VDAC2: variants seen among roughly 807,000 people sequenced by gnomAD.
The protein encoded by VDAC2 is voltage dependent anion channel 2.
In VDAC2, 6 loss-of-function variants were observed where a neutral mutation model predicts 36.6. The observed-to-expected ratio is 0.16, with a 90% confidence interval of 0.09 to 0.32. The LOEUF (loss-of-function observed/expected upper bound fraction) is 0.32, where lower values mean the gene tolerates loss of function less well. Among genes scored for constraint, VDAC2 ranks in the 10% least tolerant of loss-of-function variants. The pLI is 1.00. For missense variants in VDAC2, 247 were observed against 346.0 expected (o/e 0.71, Z 2.27); for synonymous variants, 109 against 123.8 (o/e 0.88, Z 0.79).
chr10:75,219,452 G>A, intron 6 of VDAC2, 96 bp downstream of exon 6: 5 of 1,049,630 alleles, frequency 4.8e-6, no homozygotes, highest in Non-Finnish European at 7.0e-6. Context: ...AGCTTATTAA[G>A]CTACCTTGTG....
Position 75,231,396 on chromosome 10 carries a change from T to TA in VDAC2, c.*408dup, listed in dbSNP as rs1259147491. The TA allele has an allele frequency of 1.3e-5, 2 of 154,502 alleles. No individual in the cohort carries two copies. The highest frequency in any genetic ancestry group is 4.8e-5 in the African/African-American group (2 of 41,518). 9.6% of individuals were successfully genotyped at this position (154,502 alleles called of 1,614,324 possible). A position where few individuals can be genotyped will look rare whatever the true frequency, so the allele number is the denominator to read the frequency against. On this transcript the variant is annotated 3_prime_UTR_variant, in exon 10 of 10. Coordinates refer to ENST00000332211, the MANE Select transcript of VDAC2 (RefSeq NM_001391963.1). ...AAATTTTGTTAAGTTCAGCCATTATTACTTTTGGTATCCCAGAACATGACA... is the reference window on the plus strand; with the variant it reads ...AAATTTTGTTAAGTTCAGCCATTATTAACTTTTGGTATCCCAGAACATGACA...
chr10:75,222,778 C>A (rs899123950), intron 8 of VDAC2, among the ~76,000 whole-genome samples: 1 of 152,088 alleles, frequency 6.6e-6, no homozygotes, highest in Non-Finnish European at 1.5e-5. Context: ...TCACGACTCC[C>A]GGCACCTTGA....
chr10:75,211,735 A>C, intron 2 of VDAC2: 1 of 1,508,262 alleles, frequency 6.6e-7, no homozygotes, highest in Non-Finnish European at 9.0e-7. Context: ...ATTTTTTCCA[A>C]GTTTCAATAT....
chr10:75,231,329 C>G lies in VDAC2; in HGVS notation c.*340C>G, dbSNP rs1030854604. On this transcript the variant is annotated 3_prime_UTR_variant, in exon 10 of 10. Transcript: ENST00000332211. ...TTCCTTTAGAAAACATTGACTGTTACCATTGAATGAGATGGATCAGTGGAT... is the reference window on the plus strand; with the variant it reads ...TTCCTTTAGAAAACATTGACTGTTAGCATTGAATGAGATGGATCAGTGGAT... 6 of 178,302 alleles carry G rather than the reference C, an allele frequency of 3.4e-5. No individual in the cohort carries two copies. The highest frequency in any genetic ancestry group is 1.1e-4 in the South Asian group (1 of 8,848). The allele number at this position is 178,302 out of a possible 1,614,324, so 11.0% of individuals were successfully genotyped here.
rs1233741360 is a variant in VDAC2, at chr10:75,212,278, A to G, written c.80A>G (p.Asp27Gly). The G allele has an allele frequency of 1.5e-5, 24 of 1,613,416 alleles. No individual in the cohort carries two copies. Among genetic ancestry groups the G allele is most frequent in the Non-Finnish European group, 2.0e-5 (24 of 1,179,910 alleles). The stretch of plus-strand genomic sequence containing the variant: ...GCTGACCTTGGCAAAGCTGCCAGAG[A>G]TATTTTCAACAAAGGATTTGGTAAG... ...SYADLGKAAR[D>G]IFNKGFGFGL... The change falls in exon 3 of 10, where the codon GAT becomes GGT. Residue 27 changes from aspartate to glycine, a missense_variant. This residue lies in a region of VDAC2 where 76 missense variants were observed against 76.9 expected (regional missense o/e 0.99). Transcript: ENST00000332211.
chr10:75,218,735 C>T (rs188734299), intron 4 of VDAC2, among the ~76,000 whole-genome samples: 1 of 151,822 alleles, frequency 6.6e-6, no homozygotes, highest in East Asian at 1.9e-4. Flanking sequence ...GCACTCCAGC[C>T]TGGCGATAGA....
chr10:75,210,471 C>T (rs868125068), upstream of VDAC2, among the ~76,000 whole-genome samples: 11 of 152,320 alleles, frequency 7.2e-5, no homozygotes, highest in South Asian at 1.7e-3. Context: ...CCTATCGCCC[C>T]GGCCACGCGC....
In VDAC2 at chr10:75,211,540, C is replaced by G. The variant is rs977891484; in HGVS notation, c.31+351C>G. The G allele has an allele frequency of 4.5e-6, 7 of 1,549,974 alleles. No homozygotes were observed. In the African/African-American group the frequency reaches 9.6e-5, roughly 21 times the overall value. On this transcript the variant is annotated intron_variant, in intron 2 of 9. Transcript: ENST00000332211. ...AGTCCCTCTTGTGAGAGCGCAAGGTCATTACTTGTGCTCCTAAGGGCGTGG... is the reference window on the plus strand; with the variant it reads ...AGTCCCTCTTGTGAGAGCGCAAGGTGATTACTTGTGCTCCTAAGGGCGTGG...
chr10:75,228,270 CTTTCT>C (rs886140980), intron 8 of VDAC2, among the ~76,000 whole-genome samples: 14 of 114,958 alleles, frequency 1.2e-4, no homozygotes, highest in Admixed American at 2.9e-4. Flanking sequence ...AGGTATTTTT[CTTTCT>C]TTTTTTTTTT....
chr10:75,228,056 G>C (rs537544984), intron 8 of VDAC2, among the ~76,000 whole-genome samples: 1 of 150,946 alleles, frequency 6.6e-6, no homozygotes, highest in African/African-American at 2.4e-5. Flanking sequence ...CACCACGCCC[G>C]GCTAATTTTT....
At chr10:75,210,224 G>C (rs1002601113), upstream of VDAC2, 2 of 152,644 alleles carry the variant, frequency 1.3e-5, no homozygotes, top group Admixed American at 6.5e-5. Flanking sequence ...TGGGAAAAGA[G>C]GGCAGAAGAG....
At chr10:75,211,082 C>A in intron 1 of VDAC2, 52 bp from the exon 2 acceptor site, 1 of 1,508,384 alleles carries the variant, frequency 6.6e-7, no homozygotes, top group Non-Finnish European at 9.0e-7. Context: ...TGCCCGGGAT[C>A]TCCCTTTGGC....
chr10:75,230,496 G>GA (rs1842071226), intron 9 of VDAC2, among the ~76,000 whole-genome samples: 1 of 152,124 alleles, frequency 6.6e-6, no homozygotes, highest in Admixed American at 6.6e-5. Flanking sequence ...TCGCATCTAA[G>GA]AAAACTAACA....
In VDAC2 at chr10:75,220,842, A is replaced by T; in HGVS notation, c.456A>T (p.Ser152=). The T allele has an allele frequency of 6.2e-7, 1 of 1,613,746 alleles. No individual in the cohort carries two copies. The highest frequency in any genetic ancestry group is 8.5e-7 in the Non-Finnish European group (1 of 1,179,668). ...TTGCTGGACCTGCAATCCATGGTTC[A>T]GCTGTCTTTGGTTATGAGGGCTGGC... ...FDFAGPAIHG[S]AVFGYEGWLA... Residue 152 remains serine, a synonymous_variant, in exon 7 of 10, where the codon TCA becomes TCT. Coordinates refer to ENST00000332211, the MANE Select transcript of VDAC2 (RefSeq NM_001391963.1).
chr10:75,220,684 C>T (rs767261166), intron 6 of VDAC2, 59 bp from the exon 7 acceptor site: 1 of 1,450,652 alleles, frequency 6.9e-7, no homozygotes, highest in South Asian at 1.3e-5. Flanking sequence ...GTTTTGTGCT[C>T]TCTTGTGCAG....
At chr10:75,219,863 T>C (rs192720922) in intron 6 of VDAC2, among the ~76,000 whole-genome samples, 1 of 151,728 alleles carries the variant, frequency 6.6e-6, no homozygotes, top group African/African-American at 2.4e-5. Flanking sequence ...AGTCTTACTC[T>C]GTCACACAGG....
chr10:75,218,970 G>A, intron 4 of VDAC2, 93 bp from the exon 5 acceptor site: 1 of 1,326,314 alleles, frequency 7.5e-7, no homozygotes. Flanking sequence ...TTTACCAAAT[G>A]TTTCAGGGGG....
chr10:75,213,971 C>G (rs767037364), intron 3 of VDAC2, 50 bp from the exon 4 acceptor site: 1 of 1,591,166 alleles, frequency 6.3e-7, no homozygotes. Flanking sequence ...TGCTATGCAT[C>G]TTTCATACAA....
chr10:75,221,948 TA>T (rs1841825825), intron 7 of VDAC2, among the ~76,000 whole-genome samples: 2 of 152,378 alleles, frequency 1.3e-5, no homozygotes, highest in Admixed American at 1.3e-4. Context: ...TTCACCTTTT[TA>T]TATGTGTGTG....
Sources: allele counts gnomAD v4.1 joint callset (sites outside exome capture counted in the v4.1 genomes callset), GRCh38; gene constraint gnomAD v4.1.1; regional missense constraint gnomAD v4.1.1; transcripts MANE v1.5; gene names NCBI Gene and HGNC (gene_info 2026-07-23, HGNC 2026-07-21).